RANBP2: variants seen among roughly 807,000 people sequenced by gnomAD.
RANBP2 encodes the protein E3 SUMO-protein ligase RanBP2.
RANBP2 carries 57 observed loss-of-function variants against 303.6 expected under a neutral mutation model. That is an observed-to-expected ratio of 0.19 (90% CI 0.15 to 0.23). The LOEUF is 0.23. Among genes scored for constraint, RANBP2 ranks in the 10% least tolerant of loss-of-function variants. RANBP2 has a pLI of 1.00. For missense variants in RANBP2, 3,138 were observed against 3,780.8 expected (o/e 0.83, Z 4.46); for synonymous variants, 1,167 against 1,301.5 (o/e 0.90, Z 2.23).
At chr2:109,302,170 G>C in the RANBP2 span, among the ~76,000 whole-genome samples, 1 of 152,204 alleles carries the variant, frequency 6.6e-6, no homozygotes, top group Non-Finnish European at 1.5e-5. Flanking sequence ...CTGCAAAGCT[G>C]GCGTTGGTAC....
At chr2:108,873,148 T>A in the RANBP2 span, among the ~76,000 whole-genome samples, 7 of 152,204 alleles carry the variant, frequency 4.6e-5, no homozygotes, top group African/African-American at 1.7e-4. Context: ...CTGAACTTAT[T>A]GTTACGAACT....
At chr2:109,478,904 G>T in the RANBP2 span, among the ~76,000 whole-genome samples, 1 of 152,208 alleles carries the variant, frequency 6.6e-6, no homozygotes, top group African/African-American at 2.4e-5. Context: ...GATGCTGTGG[G>T]TTGGGAATTG....
At chr2:109,501,973 T>TGGTTTGCAGCCATGGCAGC in the RANBP2 span, 1 of 332,566 alleles carries the variant, frequency 3.0e-6, no homozygotes, top group Non-Finnish European at 5.6e-6. Flanking sequence ...CCTGTGGCTG[T>TGGTTTGCAGCCATGGCAGC]GGTTTGCAGC....
At chr2:109,602,146 G>A in the RANBP2 span, among the ~76,000 whole-genome samples, 6 of 152,272 alleles carry the variant, frequency 3.9e-5, no homozygotes, top group East Asian at 1.9e-4. Context: ...GCTGATTTCC[G>A]TACTAAGTGG....
chr2:109,343,565 G>A, the RANBP2 span, among the ~76,000 whole-genome samples: 3 of 152,034 alleles, frequency 2.0e-5, no homozygotes, highest in Admixed American at 2.0e-4. Context: ...AGGCAAACAG[G>A]CCCCACCTGA....
the RANBP2 span, among the ~76,000 whole-genome samples, chr2:109,063,347 T>G: frequency 6.6e-6 from 1 of 152,050 alleles, no homozygotes; most frequent in Admixed American, 6.6e-5. Flanking sequence ...TGTGCCTGGG[T>G]TTTCTTTTCT....
the RANBP2 span, among the ~76,000 whole-genome samples, chr2:108,834,367 T>A: frequency 6.6e-6 from 1 of 151,834 alleles, no homozygotes; most frequent in Middle Eastern, 3.2e-3. Flanking sequence ...TGCCCACCAC[T>A]CCCAGCTAAT....
At chr2:108,842,003 G>A in the RANBP2 span, among the ~76,000 whole-genome samples, 1 of 152,042 alleles carries the variant, frequency 6.6e-6, no homozygotes, top group Non-Finnish European at 1.5e-5. Context: ...AGTCATAGAA[G>A]TTGGAAGTAA....
At chr2:109,362,234 G>A in the RANBP2 span, among the ~76,000 whole-genome samples, 1 of 152,084 alleles carries the variant, frequency 6.6e-6, no homozygotes, top group Non-Finnish European at 1.5e-5. Flanking sequence ...TACTTTTGCG[G>A]CATCTCACAA....
chr2:108,982,339 TG>T, the RANBP2 span, among the ~76,000 whole-genome samples: 1 of 152,212 alleles, frequency 6.6e-6, no homozygotes, highest in Non-Finnish European at 1.5e-5. Flanking sequence ...AGACCCTCCC[TG>T]GTGGGAGGCT....
the RANBP2 span, among the ~76,000 whole-genome samples, chr2:109,068,568 T>A: frequency 5.9e-5 from 9 of 151,558 alleles, no homozygotes; most frequent in African/African-American, 2.2e-4. Context: ...TTATTATCAT[T>A]ATTTCTCATG....
chr2:109,610,029 A>G, the RANBP2 span, among the ~76,000 whole-genome samples: 1 of 152,080 alleles, frequency 6.6e-6, no homozygotes, highest in Non-Finnish European at 1.5e-5. Context: ...GGACAATATG[A>G]CACAGAGCAG....
chr2:109,183,975 C>T, the RANBP2 span, among the ~76,000 whole-genome samples: 3 of 152,212 alleles, frequency 2.0e-5, no homozygotes, highest in Non-Finnish European at 4.4e-5. Context: ...CAGTTATTCT[C>T]TTCTGTAGAA....
chr2:108,908,032 GA>G, the RANBP2 span: 2 of 1,604,766 alleles, frequency 1.2e-6, no homozygotes, highest in Non-Finnish European at 1.7e-6. Flanking sequence ...GCAAAAACAA[GA>G]GCGATGGTCA....
At chr2:109,474,983 TTGTTTG>T in the RANBP2 span, among the ~76,000 whole-genome samples, 48 of 152,262 alleles carry the variant, frequency 3.2e-4, no homozygotes, top group African/African-American at 1.1e-3. Context: ...GTTTGTTTGT[TTGTTTG>T]TTTTTTTGAG....
chr2:108,775,742 CAG>C lies in RANBP2; in HGVS notation c.8305_8306del (p.Glu2769ArgfsTer4). Reference sequence around the variant, plus strand: ...ACTTCCTCTTTGCAGAAATCTCAGACAGAAGAAATAACTAGCACAACTGACAG... The same window carrying C: ...ACTTCCTCTTTGCAGAAATCTCAGACAAGAAATAACTAGCACAACTGACAG... On this transcript the variant is annotated frameshift_variant, in exon 24 of 29. Coordinates refer to ENST00000283195, the MANE Select transcript of RANBP2 (RefSeq NM_006267.5). LOFTEE classifies it high-confidence loss of function. 6.2e-7 allele frequency: 1 copy of C among 1,613,692 alleles called. No homozygotes were observed. The highest frequency in any genetic ancestry group is 8.5e-7 in the Non-Finnish European group (1 of 1,179,908).
At chr2:108,725,629 G>A (rs1325652804) in intron 1 of RANBP2, among the ~76,000 whole-genome samples, 2 of 151,960 alleles carry the variant, frequency 1.3e-5, no homozygotes, top group Admixed American at 6.6e-5. Context: ...GCATGGTGGC[G>A]TGCGCCTGTA....
At chr2:109,676,801 G>A in the RANBP2 span, among the ~76,000 whole-genome samples, 59 of 152,210 alleles carry the variant, frequency 3.9e-4, no homozygotes, top group Non-Finnish European at 6.5e-4. Flanking sequence ...GCTGCTCTGA[G>A]AATACGCTCT....
intron 28 of RANBP2, 82 bp from the exon 29 acceptor site, chr2:108,783,514 T>G: frequency 2.0e-6 from 2 of 1,018,756 alleles, no homozygotes; most frequent in Non-Finnish European, 2.9e-6. Flanking sequence ...TGATGAGTTC[T>G]GTGTGTATTT....
Sources: allele counts gnomAD v4.1 joint callset (sites outside exome capture counted in the v4.1 genomes callset), GRCh38; gene constraint gnomAD v4.1.1; transcripts MANE v1.5; gene names NCBI Gene and HGNC (gene_info 2026-07-23, HGNC 2026-07-21).